Variants in GCFC2 observed in about 807,000 individuals in gnomAD.
GCFC2 encodes the protein intron Large complex component GCFC2.
Under a neutral mutation model 99.4 loss-of-function variants are expected in GCFC2, and 102 were observed. The observed-to-expected ratio is 1.03, with a 90% CI of 0.87 to 1.21. The LOEUF (loss-of-function observed/expected upper bound fraction) is 1.21. Ranked by LOEUF, GCFC2 falls within the 50% of genes most tolerant of loss-of-function variation. GCFC2 has a pLI of 0.00. For synonymous variants in GCFC2, 338 were observed against 316.8 expected (o/e 1.07, Z -0.71); for missense variants, 973 against 920.9 (o/e 1.06, Z -0.73).
chr2:75,703,237 G>A (rs576237790), intron 2 of GCFC2, among the ~76,000 whole-genome samples: 58 of 152,132 alleles, frequency 3.8e-4, no homozygotes, highest in South Asian at 1.0e-3. Flanking sequence ...AAGAAACAGC[G>A]AGAGAAATTT....
Position 75,694,426 on chromosome 2 carries a change from ATC to A in GCFC2, c.834-1_834del. On this transcript the variant is annotated splice_acceptor_variant and coding_sequence_variant, in exon 6 of 17. Transcript: ENST00000321027. LOFTEE classifies it high-confidence loss of function. Reference sequence around the variant, plus strand: ...CGGTGAGTTTCCTGTAGTAATGTTAATCTAAATAAATAAAATAAAAATTAGTT... The same window carrying A: ...CGGTGAGTTTCCTGTAGTAATGTTAATAAATAAATAAAATAAAAATTAGTT... The A allele has an allele frequency of 8.0e-7, 1 of 1,253,424 alleles. No homozygotes were observed. The highest frequency in any genetic ancestry group is 1.1e-6 in the Non-Finnish European group (1 of 931,642). 77.6% of individuals were successfully genotyped at this position (1,253,424 alleles called of 1,614,324 possible). A position where few individuals can be genotyped will look rare whatever the true frequency, so the allele number is the denominator to read the frequency against.
intron 3 of GCFC2, chr2:75,701,747 G>T: frequency 4.7e-6 from 2 of 428,318 alleles, no homozygotes; most frequent in Non-Finnish European, 6.3e-6. Flanking sequence ...TTGGTCAAAT[G>T]CATATATCAT....
chr2:75,668,750 T>C (rs925916594), intron 15 of GCFC2, among the ~76,000 whole-genome samples: 3 of 152,236 alleles, frequency 2.0e-5, no homozygotes, highest in Non-Finnish European at 4.4e-5. Context: ...ATATTCTTTG[T>C]ACTTAAAATC....
At chr2:75,669,327 T>C (rs986037993) in intron 15 of GCFC2, among the ~76,000 whole-genome samples, 7 of 152,192 alleles carry the variant, frequency 4.6e-5, no homozygotes, top group Admixed American at 3.3e-4. Context: ...GTAGAAAGAA[T>C]AGTATAATGA....
In GCFC2 at chr2:75,694,258, CA is replaced by C; in HGVS notation, c.1002del (p.Ile334MetfsTer14). ...ATATGTACCTTTTCATTAAGGCAGT[CA>C]ATTAAATTTTCCACATAAATTTTCA... ...KSMKIYVENLIDCLNEKIINI... is the reference protein window; with the variant it reads ...KSMKIYVENLXDCLNEKIINI... On this transcript the variant is annotated frameshift_variant, in exon 6 of 17. Transcript: ENST00000321027. LOFTEE classifies it high-confidence loss of function. 1.0e-6 allele frequency: 1 copy of C among 988,092 alleles called. No individual in the cohort carries two copies. The highest frequency in any genetic ancestry group is 1.5e-6 in the Non-Finnish European group (1 of 645,422). 61.2% of individuals were successfully genotyped at this position (988,092 alleles called of 1,614,324 possible). A position where few individuals can be genotyped will look rare whatever the true frequency, so the allele number is the denominator to read the frequency against.
intron 5 of GCFC2, among the ~76,000 whole-genome samples, chr2:75,695,215 A>G (rs886732187): frequency 3.9e-5 from 6 of 152,130 alleles, no homozygotes; most frequent in African/African-American, 1.2e-4. Flanking sequence ...ATACATGCTT[A>G]TATGTTTACA....
intron 12 of GCFC2, among the ~76,000 whole-genome samples, chr2:75,679,085 GTGTT>G (rs57788032): frequency 0.27 from 41,414 of 151,910 alleles, 8,595 homozygotes; most frequent in African/African-American, 0.59. Flanking sequence ...AATTAAATAA[GTGTT>G]TGTTATCTTC....
rs1680731011 is a variant in GCFC2 at position 75,704,148 on chromosome 2, C to T, written c.395-1725G>A. On this transcript the variant is annotated intron_variant, in intron 2 of 16. Transcript: ENST00000321027. ...GAATCAATAATGTCAGCATATTGTT[C>T]AATAATAAATACATCATGTTTTTAC... is the stretch of plus-strand genomic sequence containing the variant. Among the ~76,000 whole-genome samples the T allele has an allele frequency of 2.0e-5, 3 of 152,094 alleles. No individual in the cohort carries two copies. The South Asian group carries it at 6.2e-4, about 32-fold the overall frequency.
upstream of GCFC2, among the ~76,000 whole-genome samples, chr2:75,712,113 T>C (rs374386109): frequency 2.6e-3 from 392 of 152,204 alleles, 3 homozygotes; most frequent in African/African-American, 9.0e-3. Context: ...ACTCTGTATC[T>C]GGCTCAAGGT....
rs2104423669 is a variant in GCFC2 at position 75,706,650 on chromosome 2, T to C, written c.267A>G (p.Glu89=). 1 of 1,564,640 alleles carries C rather than the reference T, an allele frequency of 6.4e-7. No individual in the cohort carries two copies. ...KAAPRADEGS[E]SRTLDVSTDE... Reference sequence around the variant, plus strand: ...CTGTGGACACATCAAGGGTTCTGGATTCTAACAGGACATTTTAAAAATACA... The same window carrying C: ...CTGTGGACACATCAAGGGTTCTGGACTCTAACAGGACATTTTAAAAATACA... Residue 89 remains glutamate, a splice_region_variant and synonymous_variant, in exon 2 of 17, where the codon GAA becomes GAG. Coordinates refer to ENST00000321027, the MANE Select transcript of GCFC2 (RefSeq NM_003203.5).
intron 4 of GCFC2, among the ~76,000 whole-genome samples, chr2:75,699,086 T>A (rs1321364386): frequency 6.6e-6 from 1 of 151,820 alleles, no homozygotes; most frequent in Non-Finnish European, 1.5e-5. Flanking sequence ...TTTGGGAGGA[T>A]GCTATGATAA....
chr2:75,674,083 T>C (rs1335506853), intron 12 of GCFC2, among the ~76,000 whole-genome samples: 1 of 152,256 alleles, frequency 6.6e-6, no homozygotes, highest in Admixed American at 6.5e-5. Flanking sequence ...TTAATTCTCA[T>C]TTAATTATCA....
Position 75,673,512 on chromosome 2 carries a change from A to C in GCFC2, c.1821T>G (p.Leu607=), listed in dbSNP as rs765578261. 4 of 1,240,310 alleles carry C rather than the reference A, an allele frequency of 3.2e-6. No individual in the cohort carries two copies. Among genetic ancestry groups the C allele is most frequent in the Non-Finnish European group, 4.8e-6 (4 of 840,192 alleles). 76.8% of individuals were successfully genotyped at this position (1,240,310 alleles called of 1,614,324 possible). A position where few individuals can be genotyped will look rare whatever the true frequency, so the allele number is the denominator to read the frequency against. Residue 607 remains leucine (L), a synonymous_variant, in exon 13 of 17, where the codon CTT becomes CTG. Coordinates refer to ENST00000321027, the MANE Select transcript of GCFC2 (RefSeq NM_003203.5). ...NEVSKSRQDL[L]KSIVSRMKKA... ...TTTTCATTCTTGAAACAATGGATTTAAGTAAATCCTATTATTACAAATTTG... is the reference window on the plus strand; with the variant it reads ...TTTTCATTCTTGAAACAATGGATTTCAGTAAATCCTATTATTACAAATTTG...
chr2:75,699,941 C>T (rs1218700174), intron 4 of GCFC2, among the ~76,000 whole-genome samples: 1 of 150,760 alleles, frequency 6.6e-6, no homozygotes, highest in Non-Finnish European at 1.5e-5. Context: ...CACTCTGTCA[C>T]CCACGCTGAA....
At chr2:75,665,121 A>G (rs1009383706) in intron 16 of GCFC2, among the ~76,000 whole-genome samples, 1 of 152,034 alleles carries the variant, frequency 6.6e-6, no homozygotes, top group African/African-American at 2.4e-5. Flanking sequence ...ATATTCACAC[A>G]TCATGACATT....
At position 75,701,242 on chromosome 2, in the gene GCFC2, T is replaced by A; in HGVS notation, c.665A>T (p.Lys222Met). The A allele has an allele frequency of 6.2e-7, 1 of 1,609,942 alleles. No individual in the cohort carries two copies. The highest frequency in any genetic ancestry group is 8.5e-7 in the Non-Finnish European group (1 of 1,176,192). ...TTGCTGTTGTTCCCAAGTATCTTGC[T>A]TTTCATCTTCCTGACTTTCTTCACT... ...ETSEESQEDE[K>M]QDTWEQQQMR... The change falls in exon 4 of 17, where the codon AAG (lysine) becomes ATG (methionine). Residue 222 changes from lysine to methionine, a missense_variant. By Grantham distance (95) the Lys-to-Met change is moderately conservative. Transcript: ENST00000321027.
chr2:75,666,500 A>G (rs1678841568), intron 15 of GCFC2, among the ~76,000 whole-genome samples: 1 of 152,206 alleles, frequency 6.6e-6, no homozygotes, highest in Non-Finnish European at 1.5e-5. Context: ...TCTAAGATAC[A>G]AAGAATGAAA....
intron 11 of GCFC2, among the ~76,000 whole-genome samples, chr2:75,687,132 C>T (rs925099230): frequency 3.3e-5 from 5 of 152,096 alleles, no homozygotes; most frequent in Admixed American, 6.5e-5. Context: ...GACGAGGTTT[C>T]GCCATGGTGG....
intron 11 of GCFC2, among the ~76,000 whole-genome samples, chr2:75,681,378 G>A (rs923060445): frequency 2.7e-5 from 4 of 149,444 alleles, no homozygotes; most frequent in East Asian, 1.9e-4. Context: ...ACCGTGCCAG[G>A]AGGAACAGTG....
Sources: gnomAD v4.1 joint callset for allele counts (sites outside exome capture counted in the v4.1 genomes callset) on GRCh38, gnomAD v4.1.1 for gene constraint, MANE v1.5 for transcripts, NCBI Gene and HGNC (gene_info 2026-07-23, HGNC 2026-07-21) for gene names.